The following CMSS1 variants were observed in gnomAD, a reference collection of about 807,000 sequenced individuals.
The protein encoded by CMSS1 is cms1 ribosomal small subunit homolog, also known as protein CMSS1.
A neutral mutation model predicts 43.5 loss-of-function variants in CMSS1; 33 were observed. The ratio of observed to expected loss-of-function variants is 0.76; its 90% CI spans 0.57 to 1.01. CMSS1 has a LOEUF of 1.01. Ranked by LOEUF, CMSS1 falls within the 50% of genes least tolerant of loss-of-function variation. The pLI is 0.00. For missense variants in CMSS1, 313 were observed against 326.4 expected (o/e 0.96, Z 0.32); for synonymous variants, 115 against 117.2 (o/e 0.98, Z 0.12).
intron 1 of CMSS1, among the ~76,000 whole-genome samples, chr3:99,888,178 A>T (rs1705970523): frequency 1.3e-5 from 2 of 152,194 alleles, no homozygotes; most frequent in African/African-American, 4.8e-5. Flanking sequence ...GTAATTAAAT[A>T]GGAGACTTTA....
intron 1 of CMSS1, among the ~76,000 whole-genome samples, chr3:99,881,585 T>C (rs1705730593): frequency 6.6e-6 from 1 of 151,764 alleles, no homozygotes; most frequent in Non-Finnish European, 1.5e-5. Flanking sequence ...CAGATTGGAG[T>C]GCAGTAGTGC....
chr3:99,924,499 C>T (rs1235639096), intron 1 of CMSS1: 16 of 1,307,508 alleles, frequency 1.2e-5, no homozygotes, highest in Middle Eastern at 2.2e-4. Context: ...TTGATTAATT[C>T]GGCAGTGGGT....
chr3:100,000,362 C>T (rs747874940), intron 1 of CMSS1, among the ~76,000 whole-genome samples: 6 of 152,262 alleles, frequency 3.9e-5, no homozygotes, highest in Non-Finnish European at 7.4e-5. Flanking sequence ...TGTTTGTTAT[C>T]CATCCCTCCT....
intron 1 of CMSS1, among the ~76,000 whole-genome samples, chr3:99,819,318 G>T (rs1346376213): frequency 6.6e-6 from 1 of 152,184 alleles, no homozygotes; most frequent in Non-Finnish European, 1.5e-5. Flanking sequence ...GATTGAAGAT[G>T]AACAGAGGCC....
At chr3:99,990,550 A>G (rs1709481607) in intron 1 of CMSS1, among the ~76,000 whole-genome samples, 2 of 152,194 alleles carry the variant, frequency 1.3e-5, no homozygotes, top group Admixed American at 1.3e-4. Flanking sequence ...GGTGGTTTTC[A>G]GTCATGGCCA....
At chr3:99,986,683 A>T (rs1388468475) in intron 1 of CMSS1, among the ~76,000 whole-genome samples, 3 of 152,188 alleles carry the variant, frequency 2.0e-5, no homozygotes, top group African/African-American at 7.2e-5. Flanking sequence ...TAAGAACTCA[A>T]GTAGAAGGAG....
chr3:100,117,483 C>CA (rs2066580728), intron 1 of CMSS1, among the ~76,000 whole-genome samples: 4 of 152,142 alleles, frequency 2.6e-5, no homozygotes, highest in Middle Eastern at 3.4e-3. Flanking sequence ...ATCATGGTGG[C>CA]ATCCAGAAGG....
chr3:99,886,885 G>A (rs571057465), intron 1 of CMSS1, among the ~76,000 whole-genome samples: 55 of 151,420 alleles, frequency 3.6e-4, no homozygotes, highest in African/African-American at 1.3e-3. Flanking sequence ...CAGGAGAATC[G>A]CTTGAACCTG....
intron 1 of CMSS1, among the ~76,000 whole-genome samples, chr3:100,013,891 T>C (rs145032806): frequency 1.3e-5 from 2 of 152,254 alleles, no homozygotes; most frequent in East Asian, 3.9e-4. Context: ...TCACCGTGCT[T>C]CACAATAGAT....
chr3:99,841,902 C>T (rs559926812), intron 1 of CMSS1, among the ~76,000 whole-genome samples: 9 of 152,194 alleles, frequency 5.9e-5, no homozygotes, highest in African/African-American at 1.4e-4. Context: ...TAAACTAGTA[C>T]GAGCATGGAA....
At chr3:100,028,546 T>C (rs2064967912) in intron 1 of CMSS1, among the ~76,000 whole-genome samples, 1 of 152,162 alleles carries the variant, frequency 6.6e-6, no homozygotes, top group African/African-American at 2.4e-5. Flanking sequence ...AGGTAATATA[T>C]TTTATTACTA....
At chr3:99,875,969 G>C (rs1705491637) in intron 1 of CMSS1, 3 of 790,560 alleles carry the variant, frequency 3.8e-6, no homozygotes, top group Non-Finnish European at 4.6e-6. Flanking sequence ...CCTGTCTGCA[G>C]TTTGTGATGC....
intron 1 of CMSS1, among the ~76,000 whole-genome samples, chr3:100,134,720 T>C (rs1035465985): frequency 1.3e-5 from 2 of 152,098 alleles, no homozygotes; most frequent in East Asian, 3.9e-4. Flanking sequence ...TAGGTTTAGG[T>C]TTTTTTGGAG....
At chr3:99,851,030 C>G (rs1210087446) in intron 1 of CMSS1, 4 of 1,605,798 alleles carry the variant, frequency 2.5e-6, no homozygotes, top group East Asian at 2.2e-5. Context: ...TGCTCCTTCT[C>G]CTCCTGAGAC....
rs1943542369 is a variant in CMSS1, at chr3:99,849,389, C to G, written c.64+31346C>G. 3.7e-6 allele frequency: 6 copies of G among 1,614,222 alleles called. No homozygotes were observed. The highest frequency in any genetic ancestry group is 5.1e-6 in the Non-Finnish European group (6 of 1,180,046). ...AACTCCTTAGTGAGGTTTTCAATCT[C>G]TCTTCCTAAATCTCTGTTCCTGTTT... On this transcript the variant is annotated intron_variant, in intron 1 of 9. Coordinates refer to ENST00000421999, the MANE Select transcript of CMSS1 (RefSeq NM_032359.4).
chr3:100,034,659 T>G (rs2065077424), intron 1 of CMSS1, among the ~76,000 whole-genome samples: 2 of 152,214 alleles, frequency 1.3e-5, no homozygotes, highest in Admixed American at 1.3e-4. Flanking sequence ...AGTATTTAGG[T>G]AAGACAGTGA....
chr3:99,941,785 AAAAT>A (rs1260469875), intron 1 of CMSS1, among the ~76,000 whole-genome samples: 2 of 152,236 alleles, frequency 1.3e-5, no homozygotes, highest in Non-Finnish European at 2.9e-5. Context: ...AAATTTGGAA[AAAAT>A]ATATTGATTT....
chr3:99,830,640 G>C lies in CMSS1; in HGVS notation c.64+12597G>C, dbSNP rs751632690. On this transcript the variant is annotated intron_variant, in intron 1 of 9. Coordinates refer to ENST00000421999, the MANE Select transcript of CMSS1 (RefSeq NM_032359.4). ...AACAAGAGAACAAAAGGTAATTAAT[G>C]GTACAGTTGGTGGAGAAGTAGAAAT... 6.4e-5 allele frequency: 29 copies of C among 454,372 alleles called. 1 individual carries two copies. Among genetic ancestry groups the C allele is most frequent in the South Asian group, 4.5e-4 (29 of 64,358 alleles). The allele number at this position is 454,372 out of a possible 1,614,324, so 28.1% of individuals were successfully genotyped here. A position where few individuals can be genotyped will look rare whatever the true frequency, so the allele number is the denominator to read the frequency against.
At chr3:99,993,014 T>C (rs1038141430) in intron 1 of CMSS1, among the ~76,000 whole-genome samples, 10 of 152,104 alleles carry the variant, frequency 6.6e-5, no homozygotes, top group African/African-American at 1.7e-4. Context: ...TTCTGTTCCA[T>C]TGATCTGTGT....
Sources: gnomAD v4.1 joint callset for allele counts (sites outside exome capture counted in the v4.1 genomes callset) on GRCh38, gnomAD v4.1.1 for gene constraint, MANE v1.5 for transcripts, NCBI Gene and HGNC (gene_info 2026-07-23, HGNC 2026-07-21) for gene names.